Variants in ADPRHL1 observed in about 807,000 individuals in gnomAD.
ADPRHL1 encodes the protein ADP-ribosylhydrolase like 1, also known as inactive ADP-ribosyltransferase ARH2.
Under a neutral mutation model 44.1 loss-of-function variants are expected in ADPRHL1, and 43 were observed. The ratio of observed to expected loss-of-function variants is 0.98; its 90% CI spans 0.76 to 1.26. The LOEUF is 1.26. ADPRHL1 is among the 50% of genes most tolerant of loss of function. The pLI, the probability that ADPRHL1 is intolerant of heterozygous loss-of-function variation, is 0.00. For missense variants in ADPRHL1, 2,022 were observed against 2,496.9 expected, an observed-to-expected ratio of 0.81 and a Z score of 4.05; for synonymous variants, 878 against 1,017.4, an observed-to-expected ratio of 0.86 and a Z score of 2.61.
chr13:113,406,296 A>T lies in ADPRHL1; in HGVS notation c.2986T>A (p.Ser996Thr), dbSNP rs552230361. 1 of 1,232,122 alleles carries T rather than the reference A, an allele frequency of 8.1e-7. No individual in the cohort carries two copies. The highest frequency in any genetic ancestry group is 3.2e-5 in the East Asian group (1 of 31,712). The allele number at this position is 1,232,122 out of a possible 1,614,324, so 76.3% of individuals were successfully genotyped here. ...GTTGCGGAGCCCTTCTTCTGCATTG[A>T]TATTTCATTAGATTCCGGCAACGGA... Reference protein sequence around the residue: ...KHPLPESNEISMQKKGSATND... With the variant: ...KHPLPESNEITMQKKGSATND... Residue 996 changes from serine (S) to threonine (T), a missense_variant, in exon 8 of 8, where the codon TCA (serine) becomes ACA (threonine). Ser to Thr is a moderately conservative substitution (Grantham distance 58). Around this residue, in one of 8 missense-constraint regions of ADPRHL1, gnomAD observed 1,221 missense variants for 1,517.8 expected, o/e 0.80. Transcript: ENST00000612156.
chr13:113,450,984 A>G (rs371755192), intron 1 of ADPRHL1, among the ~76,000 whole-genome samples: 9 of 147,884 alleles, frequency 6.1e-5, no homozygotes, highest in Admixed American at 1.3e-4. Flanking sequence ...GCTAAGTAGC[A>G]GGTGTTGTTC....
At chr13:113,429,477 C>T (rs1253715630) in intron 3 of ADPRHL1, among the ~76,000 whole-genome samples, 4 of 152,258 alleles carry the variant, frequency 2.6e-5, no homozygotes, top group South Asian at 2.1e-4. Flanking sequence ...GGTTCACCCG[C>T]GTGGCTCGCC....
Position 113,403,216 on chromosome 13 carries a change from A to G in ADPRHL1, c.*162T>C. The G allele has an allele frequency of 1.6e-6, 1 of 615,536 alleles. No individual in the cohort carries two copies. Among genetic ancestry groups the G allele is most frequent in the Non-Finnish European group, 2.3e-6 (1 of 426,368 alleles). 38.1% of individuals were successfully genotyped at this position (615,536 alleles called of 1,614,324 possible). ...CAGGAACCCGACCCACATGTAGCTC[A>G]ATCCTCCCAAGGTCAGCTTGTGAAG... On this transcript the variant is annotated 3_prime_UTR_variant, in exon 8 of 8. Coordinates refer to ENST00000612156, the MANE Select transcript of ADPRHL1 (RefSeq NM_001394807.1).
chr13:113,449,580 C>T (rs1362922945), intron 1 of ADPRHL1, among the ~76,000 whole-genome samples: 1 of 152,164 alleles, frequency 6.6e-6, no homozygotes. Flanking sequence ...AGGAGGCAGC[C>T]CGGTTCAGAG....
intron 1 of ADPRHL1, among the ~76,000 whole-genome samples, chr13:113,448,464 C>CAAAAAA: frequency 1.8e-5 from 1 of 55,996 alleles, no homozygotes; most frequent in Non-Finnish European, 2.8e-5. Flanking sequence ...AGACTATGTC[C>CAAAAAA]CAAAAAAAAA....
chr13:113,439,555 C>T (rs1490762626), intron 2 of ADPRHL1, among the ~76,000 whole-genome samples: 1 of 151,470 alleles, frequency 6.6e-6, no homozygotes, highest in African/African-American at 2.4e-5. Context: ...TCAAGCAATT[C>T]TCCTGCTTCG....
Position 113,419,707 on chromosome 13 carries a change from C to A in ADPRHL1, c.1061+3119G>T, listed in dbSNP as rs117310006. On this transcript the variant is annotated intron_variant, in intron 7 of 7. Coordinates refer to ENST00000612156, the MANE Select transcript of ADPRHL1 (RefSeq NM_001394807.1). Reference sequence around the variant, plus strand: ...GTATTTGAATTATGGCACAGGAGTACAATGGAATACTAGGCAGCAGTTAAA... The same window carrying A: ...GTATTTGAATTATGGCACAGGAGTAAAATGGAATACTAGGCAGCAGTTAAA... Among the ~76,000 whole-genome samples the A allele has an allele frequency of 4.9e-3, 738 of 152,142 alleles. 5 individuals are homozygous for A. Among genetic ancestry groups the A allele is most frequent in the South Asian group, 0.021 (103 of 4,800 alleles).
intron 7 of ADPRHL1, among the ~76,000 whole-genome samples, chr13:113,417,367 A>G (rs1166331858): frequency 6.6e-6 from 1 of 152,236 alleles, no homozygotes; most frequent in Non-Finnish European, 1.5e-5. Context: ...TGGGGAAGGC[A>G]GGGAGATGCT....
chr13:113,435,141 G>A (rs76146815), intron 2 of ADPRHL1, among the ~76,000 whole-genome samples: 3 of 61,986 alleles, frequency 4.8e-5, no homozygotes, highest in Non-Finnish European at 6.7e-5. Flanking sequence ...CCCAGGACCC[G>A]GCACCCACGC....
chr13:113,407,522 C>T lies in ADPRHL1; in HGVS notation c.1760G>A (p.Arg587Gln), dbSNP rs2043817948. 1.1e-5 allele frequency: 14 copies of T among 1,232,112 alleles called. No individual in the cohort carries two copies. The East Asian group carries it at 2.2e-4, about 19-fold the overall frequency. The allele number at this position is 1,232,112 out of a possible 1,614,324, so 76.3% of individuals were successfully genotyped here. A position where few individuals can be genotyped will look rare whatever the true frequency, so the allele number is the denominator to read the frequency against. ...CGTGTGCAGCACGCGCACCTCCGGC[C>T]GGTGCATCCTCTTCCTCTGCAGGTT... ...KRNLQRKRMHRPEVRVLHTAT... is the reference protein window; with the variant it reads ...KRNLQRKRMHQPEVRVLHTAT... The change falls in exon 8 of 8, where the codon CGG becomes CAG. Residue 587 changes from arginine to glutamine, a missense_variant. By Grantham distance (43) the Arg-to-Gln change is conservative (BLOSUM62 1). Around this residue, in one of 8 missense-constraint regions of ADPRHL1, gnomAD observed 1,221 missense variants for 1,517.8 expected, o/e 0.80. Coordinates refer to ENST00000612156, the MANE Select transcript of ADPRHL1 (RefSeq NM_001394807.1).
rs1209442897 is a variant in ADPRHL1 at position 113,404,330 on chromosome 13, C to G, written c.4952G>C (p.Arg1651Pro). The G allele has an allele frequency of 6.1e-6, 8 of 1,317,662 alleles. No homozygotes were observed. Among genetic ancestry groups the G allele is most frequent in the Admixed American group, 7.9e-5 (2 of 25,290 alleles). The allele number at this position is 1,317,662 out of a possible 1,614,324, so 81.6% of individuals were successfully genotyped here. A position where few individuals can be genotyped will look rare whatever the true frequency, so the allele number is the denominator to read the frequency against. Residue 1651 changes from arginine to proline, a missense_variant, in exon 8 of 8, where the codon CGG (arginine) becomes CCG (proline). Arg to Pro is a moderately radical substitution (Grantham distance 103). This residue lies in a region of ADPRHL1 where 25 missense variants were observed against 50.2 expected (regional missense o/e 0.50). Coordinates refer to ENST00000612156, the MANE Select transcript of ADPRHL1 (RefSeq NM_001394807.1). ...CTGCTCCTGAGCCTGTTCCTGGGCC[C>G]GTTCCTGAGCCCCTTTCTGGGCCTG... ...QGQAQKGAQE[R>P]AQEQAQEQTQ...
chr13:113,433,088 G>C (rs1024581616), intron 3 of ADPRHL1, among the ~76,000 whole-genome samples: 2 of 149,478 alleles, frequency 1.3e-5, no homozygotes, highest in Non-Finnish European at 2.9e-5. Flanking sequence ...CGTGTTAAGG[G>C]GGCGACATGA....
chr13:113,439,472 G>T (rs796511055), intron 2 of ADPRHL1, among the ~76,000 whole-genome samples: 1 of 143,856 alleles, frequency 7.0e-6, no homozygotes, highest in Non-Finnish European at 1.5e-5. Flanking sequence ...TTCCTGAGAC[G>T]GCGTCTTGCT....
In ADPRHL1 at chr13:113,453,484, C is replaced by T; in HGVS notation, c.-47G>A. 1 of 1,590,788 alleles carries T rather than the reference C, an allele frequency of 6.3e-7. No homozygotes were observed. Among genetic ancestry groups the T allele is most frequent in the Non-Finnish European group, 8.6e-7 (1 of 1,164,902 alleles). On this transcript the variant is annotated 5_prime_UTR_variant, in exon 1 of 8. Coordinates refer to ENST00000612156, the MANE Select transcript of ADPRHL1 (RefSeq NM_001394807.1). This position sits in a 1 kb window ranked among gnomAD's most constrained non-coding sequence, Gnocchi z 5.4. The stretch of plus-strand genomic sequence containing the variant: ...CCCAACAGCTGCGGAGCGTCCTGGC[C>T]TTTGTCTCCTCCTCAGCCCGCCTGA...
At chr13:113,433,899 T>G in intron 2 of ADPRHL1, 32 bp from the exon 3 acceptor site, 1 of 1,506,060 alleles carries the variant, frequency 6.6e-7, no homozygotes, top group South Asian at 1.2e-5. Flanking sequence ...AGTTTAGACT[T>G]CTGCTCCAAT....
intron 2 of ADPRHL1, among the ~76,000 whole-genome samples, chr13:113,442,041 G>C (rs1251296999): frequency 6.6e-6 from 1 of 152,272 alleles, no homozygotes; most frequent in Non-Finnish European, 1.5e-5. Flanking sequence ...CCTTCTGTCT[G>C]AGTGACTTCC....
chr13:113,427,486 C>A (rs547574295), intron 4 of ADPRHL1, among the ~76,000 whole-genome samples: 1 of 152,348 alleles, frequency 6.6e-6, no homozygotes, highest in Non-Finnish European at 1.5e-5. Context: ...GCCTCGGCCT[C>A]CCAAAGTGTT....
intron 4 of ADPRHL1, among the ~76,000 whole-genome samples, chr13:113,427,562 G>C (rs1347759193): frequency 6.6e-6 from 1 of 151,650 alleles, no homozygotes; most frequent in Non-Finnish European, 1.5e-5. Context: ...TTTTGAGACG[G>C]AGTCTCTGTT....
intron 5 of ADPRHL1, among the ~76,000 whole-genome samples, 165 bp downstream of exon 5, chr13:113,424,887 T>C (rs1217622958): frequency 4.5e-4 from 18 of 40,188 alleles, no homozygotes; most frequent in Admixed American, 3.3e-3. Context: ...TACTTACCCA[T>C]CCATTCACGC....
Sources: gnomAD v4.1 joint callset for allele counts (sites outside exome capture counted in the v4.1 genomes callset) on GRCh38, gnomAD v4.1.1 for gene constraint, gnomAD v4.1.1 regional missense constraint, Gnocchi (gnomAD v3.1) non-coding constraint, MANE v1.5 for transcripts, NCBI Gene and HGNC (gene_info 2026-07-23, HGNC 2026-07-21) for gene names.